The following INTS4 variants were observed in gnomAD, a reference collection of about 807,000 sequenced individuals.
INTS4 encodes MSTP093.
Under a neutral mutation model 119.5 loss-of-function variants are expected in INTS4, and 70 were observed. The observed-to-expected ratio is 0.59, with a 90% CI of 0.48 to 0.71. INTS4 has a LOEUF of 0.71. Among genes scored for constraint, INTS4 ranks in the 30% least tolerant of loss-of-function variants. The pLI, the probability that INTS4 is intolerant of heterozygous loss-of-function variation, is 0.00. For missense variants in INTS4, 867 were observed against 1,173.2 expected, an observed-to-expected ratio of 0.74 and a Z score of 3.81; for synonymous variants, 316 against 419.6, an observed-to-expected ratio of 0.75 and a Z score of 3.02.
chr11:77,966,270 C>A (rs755193083), intron 4 of INTS4, among the ~76,000 whole-genome samples: 4 of 152,054 alleles, frequency 2.6e-5, no homozygotes, highest in Non-Finnish European at 5.9e-5. Flanking sequence ...CACTTAGTTT[C>A]TTTTCTTGTA....
intron 4 of INTS4, among the ~76,000 whole-genome samples, chr11:77,975,185 C>T (rs1311305596): frequency 1.3e-5 from 2 of 151,832 alleles, no homozygotes; most frequent in African/African-American, 2.4e-5. Flanking sequence ...GGTTAGGTTA[C>T]TGATTTTAGA....
downstream of INTS4, among the ~76,000 whole-genome samples, chr11:77,875,617 G>A (rs1388619028): frequency 6.6e-6 from 1 of 152,040 alleles, no homozygotes. Flanking sequence ...TACTTTTCCT[G>A]CCTACCTTTC....
At chr11:77,892,068 G>A (rs1298536577) in intron 19 of INTS4, among the ~76,000 whole-genome samples, 3 of 152,162 alleles carry the variant, frequency 2.0e-5, no homozygotes, top group African/African-American at 7.2e-5. Context: ...ATACTCTTAA[G>A]TGTTTTACAT....
chr11:77,878,361 C>CA (rs35818983), downstream of INTS4, among the ~76,000 whole-genome samples: 783 of 126,736 alleles, frequency 6.2e-3, 4 homozygotes, highest in East Asian at 0.033. Flanking sequence ...GACTCCATCT[C>CA]AAAAAAAAAA....
chr11:77,933,348 G>T (rs904746022), intron 10 of INTS4, among the ~76,000 whole-genome samples: 29 of 151,812 alleles, frequency 1.9e-4, no homozygotes, highest in African/African-American at 7.0e-4. Context: ...TCAGCCTGCC[G>T]AGTGCCTGGG....
At chr11:77,924,919 G>C (rs1446719075) in intron 11 of INTS4, 27 bp from the exon 12 acceptor site, 2 of 1,569,556 alleles carry the variant, frequency 1.3e-6, no homozygotes, top group South Asian at 2.3e-5. Context: ...AATAATAACA[G>C]TAGTTACTGT....
intron 22 of INTS4, among the ~76,000 whole-genome samples, chr11:77,880,967 A>G (rs929650508): frequency 3.3e-5 from 5 of 152,040 alleles, no homozygotes; most frequent in African/African-American, 1.2e-4. Context: ...AAACAAATAA[A>G]TCCTGCTAAG....
intron 4 of INTS4, among the ~76,000 whole-genome samples, chr11:77,975,429 G>T (rs779857689): frequency 6.6e-6 from 1 of 150,996 alleles, no homozygotes; most frequent in Admixed American, 6.6e-5. Context: ...ACTGTGGTCA[G>T]AAAACATACT....
chr11:77,961,660 C>G (rs549521590), intron 4 of INTS4, among the ~76,000 whole-genome samples: 1 of 152,224 alleles, frequency 6.6e-6, no homozygotes, highest in East Asian at 1.9e-4. Context: ...ACATCACCAC[C>G]AAAAATAGCT....
chr11:77,984,579 G>A (rs1472723001), intron 2 of INTS4, among the ~76,000 whole-genome samples: 1 of 151,892 alleles, frequency 6.6e-6, no homozygotes, highest in African/African-American at 2.4e-5. Context: ...AATGGGGAAA[G>A]AGTTTCAGTT....
intron 17 of INTS4, among the ~76,000 whole-genome samples, chr11:77,902,377 T>C (rs1208450952): frequency 2.0e-5 from 3 of 152,210 alleles, no homozygotes; most frequent in Non-Finnish European, 2.9e-5. Context: ...ATCCTTCCAA[T>C]GTGGCTCAAT....
chr11:77,886,028 C>T (rs1376276484), intron 21 of INTS4, among the ~76,000 whole-genome samples: 3 of 151,786 alleles, frequency 2.0e-5, no homozygotes, highest in African/African-American at 7.3e-5. Flanking sequence ...AAGTAAGACC[C>T]CCCAATCTCC....
intron 21 of INTS4, among the ~76,000 whole-genome samples, chr11:77,885,533 G>A (rs1951967860): frequency 6.6e-6 from 1 of 151,984 alleles, no homozygotes; most frequent in African/African-American, 2.4e-5. Flanking sequence ...AAAATGAAGG[G>A]GAGGGCCGGG....
At chr11:77,994,117 T>C (rs562412407) in intron 1 of INTS4, among the ~76,000 whole-genome samples, 24 of 152,230 alleles carry the variant, frequency 1.6e-4, no homozygotes, top group African/African-American at 5.8e-4. Context: ...AGGAATTCTA[T>C]AGACCCTTCT....
intron 15 of INTS4, among the ~76,000 whole-genome samples, chr11:77,910,498 T>C (rs1397171126): frequency 4.1e-4 from 62 of 150,924 alleles, no homozygotes; most frequent in African/African-American, 1.5e-3. Flanking sequence ...TGCTAAATGG[T>C]GAGTTAATGG....
intron 10 of INTS4, among the ~76,000 whole-genome samples, chr11:77,931,854 T>A (rs1350650477): frequency 6.6e-6 from 1 of 152,242 alleles, no homozygotes; most frequent in Non-Finnish European, 1.5e-5. Flanking sequence ...ATTCCCTATT[T>A]AATAAATGGT....
chr11:77,897,401 T>C (rs1376520392), intron 18 of INTS4, among the ~76,000 whole-genome samples: 1 of 151,486 alleles, frequency 6.6e-6, no homozygotes, highest in Non-Finnish European at 1.5e-5. Context: ...ACAAGGATTA[T>C]GTACTTATAA....
chr11:77,990,224 A>C lies in INTS4; in HGVS notation c.246+884T>G, dbSNP rs1856617707. Among the ~76,000 whole-genome samples, 4 of 151,760 alleles carry C rather than the reference A, an allele frequency of 2.6e-5. No individual in the cohort carries two copies. In the South Asian group the frequency reaches 8.3e-4, roughly 32 times the overall value. On this transcript the variant is annotated intron_variant, in intron 2 of 22. Transcript: ENST00000534064. Reference sequence around the variant, plus strand: ...GTGACAGACCAAGTCTCAAAAAAAAAAAAAAAAAAAATGCAAAACTTAGCC... The same window carrying C: ...GTGACAGACCAAGTCTCAAAAAAAACAAAAAAAAAAATGCAAAACTTAGCC...
chr11:77,889,488 T>C (rs184979926), intron 21 of INTS4, among the ~76,000 whole-genome samples: 5 of 152,208 alleles, frequency 3.3e-5, no homozygotes, highest in Middle Eastern at 3.4e-3. Context: ...ATGGCACATG[T>C]ATACAGATGT....
Sources: gnomAD v4.1 joint callset for allele counts (sites outside exome capture counted in the v4.1 genomes callset) on GRCh38, gnomAD v4.1.1 for gene constraint, MANE v1.5 for transcripts, NCBI Gene and HGNC (gene_info 2026-07-23, HGNC 2026-07-21) for gene names.